The following XKR6 variants were observed in gnomAD, a reference collection of about 807,000 sequenced individuals.
XKR6 encodes the protein XK related 6.
XKR6 carries 22 observed loss-of-function variants against 56.7 expected under a neutral mutation model. The ratio of observed to expected loss-of-function variants is 0.39; its 90% confidence interval spans 0.28 to 0.55. The LOEUF (loss-of-function observed/expected upper bound fraction) is 0.55, where lower values mean the gene tolerates loss of function less well. Among genes scored for constraint, XKR6 ranks in the 20% least tolerant of loss-of-function variants. XKR6 has a pLI of 0.66. For synonymous variants in XKR6, 524 were observed against 387.8 expected (o/e 1.35, Z -4.13); for missense variants, 852 against 889.0 (o/e 0.96, Z 0.53).
At chr8:10,977,989 G>A (rs1441564478) in intron 1 of XKR6, among the ~76,000 whole-genome samples, 2 of 152,108 alleles carry the variant, frequency 1.3e-5, no homozygotes, top group African/African-American at 4.8e-5. Context: ...CCAGCTTTCA[G>A]GTTTTTGCTC....
chr8:11,123,265 C>T (rs1799546830), intron 1 of XKR6: 1 of 151,634 alleles, frequency 6.6e-6, no homozygotes, highest in Non-Finnish European at 1.5e-5. Context: ...AGCCCATGCC[C>T]CACACACAAA....
At chr8:11,143,475 T>C (rs1364885152) in intron 1 of XKR6, among the ~76,000 whole-genome samples, 2 of 152,222 alleles carry the variant, frequency 1.3e-5, no homozygotes, top group African/African-American at 4.8e-5. Context: ...ATATGTTGAA[T>C]TACACCAGCA....
chr8:10,976,026 A>T (rs970104183), intron 1 of XKR6, among the ~76,000 whole-genome samples: 1 of 151,688 alleles, frequency 6.6e-6, no homozygotes, highest in African/African-American at 2.4e-5. Context: ...TACAAAAAAA[A>T]TTAGCTGGGC....
At chr8:10,989,093 G>A (rs1419359854) in intron 1 of XKR6, among the ~76,000 whole-genome samples, 1 of 152,248 alleles carries the variant, frequency 6.6e-6, no homozygotes, top group African/African-American at 2.4e-5. Flanking sequence ...GAAGGAGACA[G>A]TGGAGTGATG....
At chr8:11,120,884 A>G (rs576016584) in intron 1 of XKR6, among the ~76,000 whole-genome samples, 4 of 152,198 alleles carry the variant, frequency 2.6e-5, no homozygotes, top group Non-Finnish European at 4.4e-5. Flanking sequence ...ATAATGCCGC[A>G]TATCTACAAC....
At chr8:11,111,008 A>ATTTTTTTT (rs58233543) in intron 1 of XKR6, among the ~76,000 whole-genome samples, 1 of 114,216 alleles carries the variant, frequency 8.8e-6, no homozygotes, top group Non-Finnish European at 1.8e-5. Context: ...GGCTTTTTCT[A>ATTTTTTTT]TTTTTTTTTT....
chr8:11,058,529 C>A (rs1436884003), intron 1 of XKR6, among the ~76,000 whole-genome samples: 1 of 152,174 alleles, frequency 6.6e-6, no homozygotes, highest in Non-Finnish European at 1.5e-5. Context: ...GAATTCATGT[C>A]CTTTGCAGGA....
In XKR6 at chr8:11,201,383, C is replaced by CGGG. The variant is rs553226221; in HGVS notation, c.-47_-45dup. ...TCCGGAGGTTGGGGGGGAGGGACGG[C>CGGG]GGGGGGGGGGGGAAGAAGGCAGGGA... On this transcript the variant is annotated 5_prime_UTR_variant, in exon 1 of 3. Transcript: ENST00000416569. 5 of 156,356 alleles carry CGGG rather than the reference C, an allele frequency of 3.2e-5. No homozygotes were observed. The highest frequency in any genetic ancestry group is 5.4e-5 in the African/African-American group (1 of 18,372). 9.7% of individuals were successfully genotyped at this position (156,356 alleles called of 1,614,324 possible).
At chr8:11,165,186 G>A (rs545093373) in intron 1 of XKR6, among the ~76,000 whole-genome samples, 34 of 128,532 alleles carry the variant, frequency 2.6e-4, no homozygotes, top group African/African-American at 8.3e-4. Flanking sequence ...TGCAACCTCC[G>A]CCTCCCAGGT....
chr8:11,061,033 C>T (rs565425773), intron 1 of XKR6, among the ~76,000 whole-genome samples: 25 of 152,330 alleles, frequency 1.6e-4, no homozygotes, highest in African/African-American at 6.0e-4. Flanking sequence ...AAGCCAACGT[C>T]TACCTAGGGC....
At chr8:11,115,104 T>C (rs11991749) in intron 1 of XKR6, among the ~76,000 whole-genome samples, 3,546 of 152,218 alleles carry the variant, frequency 0.023, 154 homozygotes, top group African/African-American at 0.079. Flanking sequence ...AGGAGGGCAG[T>C]ATGTATTAAG....
At chr8:11,030,138 T>A (rs1485318349) in intron 1 of XKR6, among the ~76,000 whole-genome samples, 2 of 152,180 alleles carry the variant, frequency 1.3e-5, no homozygotes, top group East Asian at 3.9e-4. Flanking sequence ...CACAGATCCC[T>A]GCTTTGGCTC....
intron 1 of XKR6, among the ~76,000 whole-genome samples, chr8:10,939,924 C>G (rs553288777): frequency 2.1e-3 from 314 of 152,342 alleles, no homozygotes; most frequent in Admixed American, 4.4e-3. Context: ...CAGCAGCCAG[C>G]CTCCCCCTCC....
chr8:11,195,815 A>AT (rs1042177226), intron 1 of XKR6, among the ~76,000 whole-genome samples: 8 of 150,586 alleles, frequency 5.3e-5, no homozygotes, highest in African/African-American at 1.2e-4. Context: ...CGCCCGGCTA[A>AT]TTTTTTTTTG....
chr8:10,937,652 ACC>A (rs1801246794), intron 1 of XKR6, among the ~76,000 whole-genome samples: 3 of 148,984 alleles, frequency 2.0e-5, no homozygotes, highest in Non-Finnish European at 3.0e-5. Flanking sequence ...CTGTTGGAAT[ACC>A]CTGCCGTGTG....
intron 1 of XKR6, among the ~76,000 whole-genome samples, chr8:11,037,910 C>T (rs1314440498): frequency 1.3e-5 from 2 of 151,780 alleles, no homozygotes; most frequent in Non-Finnish European, 1.5e-5. Context: ...ACCTATACTC[C>T]CAGCTACTCG....
At chr8:11,135,721 G>T (rs1800355189) in intron 1 of XKR6, among the ~76,000 whole-genome samples, 1 of 150,570 alleles carries the variant, frequency 6.6e-6, no homozygotes, top group Non-Finnish European at 1.5e-5. Context: ...CAAATAAAAG[G>T]AGAAAAAAAT....
intron 1 of XKR6, among the ~76,000 whole-genome samples, chr8:10,972,647 G>C (rs577245548): frequency 4.3e-4 from 65 of 152,330 alleles, no homozygotes; most frequent in Non-Finnish European, 8.1e-4. Context: ...ACTTATGTGA[G>C]CTATTCAGAG....
At chr8:11,194,939 A>AT (rs1211313385) in intron 1 of XKR6, 5 of 545,594 alleles carry the variant, frequency 9.2e-6, no homozygotes, top group Non-Finnish European at 1.6e-5. Flanking sequence ...AAAGCATGCC[A>AT]TTTTTTCATC....
Sources: gnomAD v4.1 joint callset for allele counts (sites outside exome capture counted in the v4.1 genomes callset) on GRCh38, gnomAD v4.1.1 for gene constraint, MANE v1.5 for transcripts, NCBI Gene and HGNC (gene_info 2026-07-23, HGNC 2026-07-21) for gene names.